MSR1: variants seen among roughly 807,000 people sequenced by gnomAD.
The protein encoded by MSR1 is macrophage scavenger receptor 1, also known as macrophage scavenger receptor types I and II.
MSR1 carries 53 observed loss-of-function variants against 47.2 expected under a neutral mutation model. The observed-to-expected ratio is 1.12, with a 90% CI of 0.90 to 1.41. The LOEUF is 1.41. Among genes scored for constraint, MSR1 ranks in the 40% most tolerant of loss-of-function variants. The probability of loss-of-function intolerance (pLI) is 0.00; values close to 1 mark genes in which losing one functional copy is unlikely to be tolerated. For missense variants in MSR1, 786 were observed against 546.9 expected (o/e 1.44, Z -4.36); for synonymous variants, 239 against 185.6 (o/e 1.29, Z -2.34).
chr8:16,161,790 T>A (rs1486850781), intron 5 of MSR1, among the ~76,000 whole-genome samples: 1 of 152,032 alleles, frequency 6.6e-6, no homozygotes, highest in East Asian at 1.9e-4. Flanking sequence ...TTTTTATTCT[T>A]TTTTTCATTG....
At chr8:16,149,320 T>C (rs12544550) in intron 7 of MSR1, among the ~76,000 whole-genome samples, 14,993 of 152,184 alleles carry the variant, frequency 0.099, 1,097 homozygotes, top group East Asian at 0.34. Context: ...AGTTTTTCTA[T>C]AAATGTAAAA....
At chr8:16,192,241 A>C (rs925266303) in intron 1 of MSR1, among the ~76,000 whole-genome samples, 16 of 152,194 alleles carry the variant, frequency 1.1e-4, no homozygotes, top group African/African-American at 3.9e-4. Flanking sequence ...AATAGGTGAA[A>C]TATGTCAAAT....
chr8:16,171,228 CAAAA>C (rs34662759), intron 3 of MSR1, among the ~76,000 whole-genome samples: 2 of 75,428 alleles, frequency 2.7e-5, no homozygotes. Context: ...GACTCAGTCT[CAAAA>C]AAAAAAAAAA....
chr8:16,137,004 C>G (rs1250619754), intron 8 of MSR1, among the ~76,000 whole-genome samples: 3 of 151,472 alleles, frequency 2.0e-5, no homozygotes, highest in African/African-American at 7.3e-5. Context: ...GTTCTGCTAA[C>G]TCATAACTAG....
In MSR1 at chr8:16,189,466, AT is replaced by A. The variant is rs1386027207; in HGVS notation, c.-5+3131del. ...ATATATAAAATCTTATTTTATATAT[AT>A]TTTATATATTTTATATATAAAATCT... On this transcript the variant is annotated intron_variant, in intron 1 of 9. Coordinates refer to ENST00000262101, the MANE Select transcript of MSR1 (RefSeq NM_138715.3). 0.015 allele frequency among the ~76,000 whole-genome samples: 4 copies of A among 274 alleles called. No homozygotes were observed. In the East Asian group the frequency reaches 0.25, roughly 17 times the overall value. 0.2% of individuals were successfully genotyped at this position (274 alleles called of 152,430 possible).
chr8:16,182,690 C>G (rs944413069), intron 1 of MSR1, among the ~76,000 whole-genome samples: 8 of 151,994 alleles, frequency 5.3e-5, no homozygotes, highest in African/African-American at 1.9e-4. Context: ...ATATCTTCTC[C>G]CACTGAAAGA....
At chr8:16,167,471 G>A (rs1437435217) in intron 4 of MSR1, among the ~76,000 whole-genome samples, 1 of 152,136 alleles carries the variant, frequency 6.6e-6, no homozygotes, top group African/African-American at 2.4e-5. Context: ...CTTGAACCTG[G>A]GAGGCAGAGG....
chr8:16,120,977 A>G, intron 8 of MSR1: 1 of 310,194 alleles, frequency 3.2e-6, no homozygotes, highest in Non-Finnish European at 6.2e-6. Context: ...TATTTTCTTG[A>G]CATACAAACA....
At chr8:16,164,507 T>C (rs1323225909) in intron 4 of MSR1, among the ~76,000 whole-genome samples, 1 of 151,976 alleles carries the variant, frequency 6.6e-6, no homozygotes, top group African/African-American at 2.4e-5. Flanking sequence ...TATGATATGT[T>C]TCTATTCCTA....
Position 16,108,064 on chromosome 8 carries a change from C to T in MSR1, c.*2021G>A, listed in dbSNP as rs1183230248. 6.6e-6 allele frequency: 1 copy of T among 151,468 alleles called. No homozygotes were observed. The highest frequency in any genetic ancestry group is 2.4e-5 in the African/African-American group (1 of 41,284). 9.4% of individuals were successfully genotyped at this position (151,468 alleles called of 1,614,324 possible). Reference sequence around the variant, plus strand: ...ATATATCTATGCATAAGTGGTAAATCAGCATGCATATACCATACAGCAATA... The same window carrying T: ...ATATATCTATGCATAAGTGGTAAATTAGCATGCATATACCATACAGCAATA... On this transcript the variant is annotated 3_prime_UTR_variant, in exon 10 of 10. Coordinates refer to ENST00000262101, the MANE Select transcript of MSR1 (RefSeq NM_138715.3).
rs936342264 is a variant in MSR1 at position 16,165,555 on chromosome 8, T to C, written c.631-1304A>G. ...ACTTTTATCCCATTTTCTGTCTTCA[T>C]TGTATGCTTTATTATTGTATTAAGT... On this transcript the variant is annotated intron_variant, in intron 4 of 9. Transcript: ENST00000262101. 2.0e-4 allele frequency among the ~76,000 whole-genome samples: 31 copies of C among 152,184 alleles called. 1 individual carries two copies. The highest frequency in any genetic ancestry group is 1.5e-5 in the Non-Finnish European group (1 of 68,016).
intron 4 of MSR1, among the ~76,000 whole-genome samples, chr8:16,164,802 G>C (rs1585177399): frequency 6.6e-6 from 1 of 151,862 alleles, no homozygotes; most frequent in Non-Finnish European, 1.5e-5. Flanking sequence ...CTGTATTTGA[G>C]GCATTAGTAT....
At chr8:16,191,971 GT>G (rs1312715866) in intron 1 of MSR1, among the ~76,000 whole-genome samples, 1 of 152,014 alleles carries the variant, frequency 6.6e-6, no homozygotes, top group Non-Finnish European at 1.5e-5. Context: ...ACTACTTAAG[GT>G]GCTAGTAATT....
chr8:16,168,911 C>A, intron 3 of MSR1, 41 bp from the exon 4 acceptor site: 1 of 1,576,534 alleles, frequency 6.3e-7, no homozygotes, highest in Middle Eastern at 1.7e-4. Flanking sequence ...TGGCCTGATC[C>A]TTGAATGCAT....
Position 16,168,507 on chromosome 8 carries a change from A to T in MSR1, c.581T>A (p.Ile194Lys). The T allele has an allele frequency of 1.2e-6, 2 of 1,614,126 alleles. No homozygotes were observed. Among genetic ancestry groups the T allele is most frequent in the Non-Finnish European group, 8.5e-7 (1 of 1,180,002 alleles). Reference protein sequence around the residue: ...NTTLLDLQLNIENLNGKIQEN... With the variant: ...NTTLLDLQLNKENLNGKIQEN... The stretch of plus-strand genomic sequence containing the variant: ...TTGGATTTTGCCATTCAGATTTTCT[A>T]TGTTGAGCTGCAAATCAAGCAATGT... Residue 194 changes from isoleucine to lysine, a missense_variant, in exon 4 of 10, where the codon ATA (isoleucine) becomes AAA (lysine). Ile to Lys is a moderately radical substitution (Grantham distance 102). Coordinates refer to ENST00000262101, the MANE Select transcript of MSR1 (RefSeq NM_138715.3).
At chr8:16,143,244 T>C (rs1800608294) in intron 8 of MSR1, among the ~76,000 whole-genome samples, 1 of 152,162 alleles carries the variant, frequency 6.6e-6, no homozygotes, top group South Asian at 2.1e-4. Context: ...TTTCTATGCA[T>C]AAGCTTGATT....
At chr8:16,175,331 T>A (rs1350660188) in intron 2 of MSR1, 31 bp from the exon 3 acceptor site, 2 of 1,527,114 alleles carry the variant, frequency 1.3e-6, no homozygotes, top group African/African-American at 2.7e-5. Context: ...AGCCTACTGT[T>A]AGAAAGTGTT....
At chr8:16,127,170 C>T (rs1335335439) in intron 8 of MSR1, among the ~76,000 whole-genome samples, 4 of 152,080 alleles carry the variant, frequency 2.6e-5, no homozygotes, top group Non-Finnish European at 5.9e-5. Flanking sequence ...TGTATCAAGG[C>T]CACAGCACAA....
chr8:16,120,616 TAAAAAAAAAAAA>T lies in MSR1; in HGVS notation c.1034-22_1034-11del, dbSNP rs60866666. On this transcript the variant is annotated splice_polypyrimidine_tract_variant and intron_variant, in intron 8 of 9. Transcript: ENST00000262101. ...ACTTTCGTAAATGGAGCTGTAAAGT[TAAAAAAAAAAAA>T]AAAAAAAAAAAAAGGCAAGCAAGGA... 5.8e-5 allele frequency: 70 copies of T among 1,198,066 alleles called. No individual in the cohort carries two copies. The highest frequency in any genetic ancestry group is 3.7e-4 in the East Asian group (11 of 29,906). The allele number at this position is 1,198,066 out of a possible 1,614,324, so 74.2% of individuals were successfully genotyped here. A position where few individuals can be genotyped will look rare whatever the true frequency, so the allele number is the denominator to read the frequency against.
Sources: allele counts gnomAD v4.1 joint callset (sites outside exome capture counted in the v4.1 genomes callset), GRCh38; gene constraint gnomAD v4.1.1; transcripts MANE v1.5; gene names NCBI Gene and HGNC (gene_info 2026-07-23, HGNC 2026-07-21).